The following EFCAB5 variants were observed in gnomAD, a reference collection of about 807,000 sequenced individuals.
EFCAB5 encodes the protein EF-hand calcium binding domain 5, also known as EF-hand calcium-binding domain-containing protein 5.
EFCAB5 carries 131 observed loss-of-function variants against 167.9 expected under a neutral mutation model. That is an observed-to-expected ratio of 0.78 (90% CI 0.68 to 0.90). The LOEUF is 0.90. Among genes scored for constraint, EFCAB5 ranks in the 40% least tolerant of loss-of-function variants. The probability of loss-of-function intolerance (pLI) is 0.00; values close to 1 mark genes in which losing one functional copy is unlikely to be tolerated. For missense variants in EFCAB5, 1,663 were observed against 1,745.2 expected, an observed-to-expected ratio of 0.95 and a Z score of 0.84; for synonymous variants, 574 against 602.8, an observed-to-expected ratio of 0.95 and a Z score of 0.70.
In EFCAB5 at chr17:29,968,807, G is replaced by A. The variant is rs1363472866; in HGVS notation, c.207G>A (p.Gly69=). The A allele has an allele frequency of 3.3e-6, 5 of 1,495,682 alleles. No homozygotes were observed. Among genetic ancestry groups the A allele is most frequent in the Non-Finnish European group, 4.5e-6 (5 of 1,122,230 alleles). The allele number at this position is 1,495,682 out of a possible 1,614,324, so 92.7% of individuals were successfully genotyped here. The part of the protein sequence containing the change: ...EIKSQELNLE[G]QRKISPGSIK... Reference sequence around the variant, plus strand: ...TCCCCTCAGAATTAAACCTGGAGGGGCAGCGAAAAATTTCACCTGGTTCAA... The same window carrying A: ...TCCCCTCAGAATTAAACCTGGAGGGACAGCGAAAAATTTCACCTGGTTCAA... Residue 69 remains glycine (G), a synonymous_variant, in exon 4 of 23, where the codon GGG becomes GGA. Transcript: ENST00000394835.
Position 30,055,877 on chromosome 17 carries a change from G to T in EFCAB5, c.2195-11G>T. Reference sequence around the variant, plus strand: ...GTCTAATTCATAAGCATTTTCATTTGCACCTTTTAGAAACTACAAAAAAGG... The same window carrying T: ...GTCTAATTCATAAGCATTTTCATTTTCACCTTTTAGAAACTACAAAAAAGG... On this transcript the variant is annotated splice_polypyrimidine_tract_variant and intron_variant, in intron 10 of 22. Transcript: ENST00000394835. The T allele has an allele frequency of 1.2e-6, 2 of 1,608,822 alleles. No individual in the cohort carries two copies. The highest frequency in any genetic ancestry group is 1.7e-6 in the Non-Finnish European group (2 of 1,178,514).
At chr17:30,040,745 G>A (rs1195815305) in intron 8 of EFCAB5, among the ~76,000 whole-genome samples, 2 of 152,162 alleles carry the variant, frequency 1.3e-5, no homozygotes, top group African/African-American at 2.4e-5. Flanking sequence ...TAGACACTAG[G>A]AATAATAGCT....
rs536017427 is a variant in EFCAB5, at chr17:30,054,839, A to G, written c.2194+691A>G. Among the ~76,000 whole-genome samples, 16 of 152,340 alleles carry G rather than the reference A, an allele frequency of 1.1e-4. No individual in the cohort carries two copies. The South Asian group carries it at 2.9e-3, about 28-fold the overall frequency. ...ATGTTGTCTATGTTACCTTCTCATTAGTCACTTAATAGCTGCTGGATTATC... is the reference window on the plus strand; with the variant it reads ...ATGTTGTCTATGTTACCTTCTCATTGGTCACTTAATAGCTGCTGGATTATC... On this transcript the variant is annotated intron_variant, in intron 10 of 22. Coordinates refer to ENST00000394835, the MANE Select transcript of EFCAB5 (RefSeq NM_198529.4).
At chr17:29,987,878 G>T (rs2068322867) in intron 4 of EFCAB5, among the ~76,000 whole-genome samples, 2 of 152,220 alleles carry the variant, frequency 1.3e-5, no homozygotes, top group South Asian at 4.1e-4. Flanking sequence ...ATGTAGCCCA[G>T]ATGAAGTGAG....
chr17:30,008,329 A>C (rs1051321723), intron 7 of EFCAB5, among the ~76,000 whole-genome samples: 5 of 152,226 alleles, frequency 3.3e-5, no homozygotes, highest in Non-Finnish European at 5.9e-5. Context: ...GAGGTGGCTC[A>C]CGCCTGTAAT....
chr17:29,975,508 C>T (rs1420593790), intron 4 of EFCAB5, among the ~76,000 whole-genome samples: 1 of 152,162 alleles, frequency 6.6e-6, no homozygotes, highest in Admixed American at 6.5e-5. Flanking sequence ...CTACCCACCT[C>T]GGCCTCCCAA....
At chr17:30,023,280 C>A (rs1277720288) in intron 7 of EFCAB5, among the ~76,000 whole-genome samples, 1 of 151,994 alleles carries the variant, frequency 6.6e-6, no homozygotes, top group African/African-American at 2.4e-5. Flanking sequence ...TGATAGAGCA[C>A]TAGCAAGACT....
rs1398832034 is a variant in EFCAB5 at position 29,995,908 on chromosome 17, C to G, written c.925-404C>G. Among the ~76,000 whole-genome samples the G allele has an allele frequency of 2.6e-5, 4 of 152,172 alleles. No individual in the cohort carries two copies. In the East Asian group the frequency reaches 7.7e-4, roughly 29 times the overall value. On this transcript the variant is annotated intron_variant, in intron 5 of 22. Transcript: ENST00000394835. ...CTTCATAAAACACCAGTGATTTCACCATTCTTCCCGCCAAGCTTCACCATA... is the reference window on the plus strand; with the variant it reads ...CTTCATAAAACACCAGTGATTTCACGATTCTTCCCGCCAAGCTTCACCATA...
chr17:29,979,896 C>T (rs116730673), intron 4 of EFCAB5, among the ~76,000 whole-genome samples: 4,161 of 152,240 alleles, frequency 0.027, 162 homozygotes, highest in African/African-American at 0.092. Flanking sequence ...TAGCCGGCCA[C>T]GGTGGCTCAT....
At chr17:30,049,925 G>C (rs2070039154) in intron 8 of EFCAB5, among the ~76,000 whole-genome samples, 1 of 152,130 alleles carries the variant, frequency 6.6e-6, no homozygotes, top group East Asian at 1.9e-4. Flanking sequence ...GATATCCATT[G>C]CAGCATTACG....
intron 3 of EFCAB5, among the ~76,000 whole-genome samples, chr17:29,945,399 T>G (rs1301016469): frequency 6.6e-6 from 1 of 151,990 alleles, no homozygotes; most frequent in Non-Finnish European, 1.5e-5. Flanking sequence ...TAATACACAT[T>G]ACAATACATA....
chr17:30,052,904 C>G lies in EFCAB5; in HGVS notation c.1301-351C>G, dbSNP rs137890827. On this transcript the variant is annotated intron_variant, in intron 9 of 22. Coordinates refer to ENST00000394835, the MANE Select transcript of EFCAB5 (RefSeq NM_198529.4). ...TATATTTGACATGAAAGATGTGTCC[C>G]TTTTCCCATCCCTATGTGATGCTTA... Among the ~76,000 whole-genome samples, 11 of 152,282 alleles carry G rather than the reference C, an allele frequency of 7.2e-5. No homozygotes were observed. The East Asian group carries it at 1.9e-3, about 27-fold the overall frequency.
chr17:30,092,774 T>A, intron 21 of EFCAB5, 66 bp from the exon 22 acceptor site: 1 of 1,096,830 alleles, frequency 9.1e-7, no homozygotes, highest in South Asian at 1.4e-5. Flanking sequence ...TGTAAGCTGT[T>A]GAACTGGGCA....
At chr17:30,094,078 G>A (rs764128317) in intron 22 of EFCAB5, among the ~76,000 whole-genome samples, 1 of 152,106 alleles carries the variant, frequency 6.6e-6, no homozygotes, top group East Asian at 1.9e-4. Context: ...CCTGTGACAG[G>A]CAGAGACTGC....
intron 19 of EFCAB5, among the ~76,000 whole-genome samples, chr17:30,087,973 A>G (rs750390007): frequency 2.6e-5 from 4 of 152,148 alleles, no homozygotes; most frequent in Non-Finnish European, 4.4e-5. Context: ...TTGACTTAAG[A>G]TCACCATTCT....
At chr17:29,968,156 G>A (rs2067872083) in intron 3 of EFCAB5, among the ~76,000 whole-genome samples, 1 of 152,122 alleles carries the variant, frequency 6.6e-6, no homozygotes, top group African/African-American at 2.4e-5. Flanking sequence ...GATTACAAAT[G>A]TGAGCCACTG....
At position 30,091,954 on chromosome 17, in the gene EFCAB5, C is replaced by T; in HGVS notation, c.4021C>T (p.Leu1341=). ...GCTCGAGCTACAGGAAAGCATCCAACTACTCAATTCCATGGAATTTGTGTC... is the reference window on the plus strand; with the variant it reads ...GCTCGAGCTACAGGAAAGCATCCAATTACTCAATTCCATGGAATTTGTGTC... ...MLLELQESIQ[L]LNSMEFVSLL... Residue 1341 remains leucine (L), a synonymous_variant, in exon 21 of 23, where the codon CTA becomes TTA. Transcript: ENST00000394835. 7 of 1,614,048 alleles carry T rather than the reference C, an allele frequency of 4.3e-6. No homozygotes were observed. Among genetic ancestry groups the T allele is most frequent in the Non-Finnish European group, 5.9e-6 (7 of 1,179,902 alleles).
At chr17:30,107,094 T>C (rs1039495812) in intron 22 of EFCAB5, among the ~76,000 whole-genome samples, 4 of 152,240 alleles carry the variant, frequency 2.6e-5, no homozygotes, top group African/African-American at 7.2e-5. Flanking sequence ...TTCAACTCTA[T>C]ATAGTCTTTC....
intron 7 of EFCAB5, among the ~76,000 whole-genome samples, chr17:30,003,948 C>T (rs2151662747): frequency 6.6e-6 from 1 of 152,274 alleles, no homozygotes; most frequent in African/African-American, 2.4e-5. Flanking sequence ...AAGTTCTTGT[C>T]TCACAACTAG....
Sources: gnomAD v4.1 joint callset for allele counts (sites outside exome capture counted in the v4.1 genomes callset) on GRCh38, gnomAD v4.1.1 for gene constraint, MANE v1.5 for transcripts, NCBI Gene and HGNC (gene_info 2026-07-23, HGNC 2026-07-21) for gene names.